PRKN: variants seen among roughly 807,000 people sequenced by gnomAD.
PRKN encodes parkin RBR E3 ubiquitin protein ligase.
A neutral mutation model predicts 59.5 loss-of-function variants in PRKN; 56 were observed. That is an observed-to-expected ratio of 0.94 (90% CI 0.76 to 1.18). The LOEUF (loss-of-function observed/expected upper bound fraction) is 1.18. Ranked by LOEUF, PRKN falls within the 50% of genes most tolerant of loss-of-function variation. The pLI is 0.00. For missense variants in PRKN, 657 were observed against 596.4 expected, an observed-to-expected ratio of 1.10 and a Z score of -1.06; for synonymous variants, 250 against 222.1, an observed-to-expected ratio of 1.13 and a Z score of -1.12.
At chr6:162,193,629 G>T (rs1436275691) in intron 4 of PRKN, among the ~76,000 whole-genome samples, 1 of 152,130 alleles carries the variant, frequency 6.6e-6, no homozygotes, top group Non-Finnish European at 1.5e-5. Flanking sequence ...AAGCTTTTGT[G>T]ACCTATACAT....
At chr6:162,580,440 GAAA>G (rs56059992) in intron 1 of PRKN, among the ~76,000 whole-genome samples, 18 of 120,596 alleles carry the variant, frequency 1.5e-4, no homozygotes, top group Middle Eastern at 4.2e-3. Context: ...CCCTGTCTCA[GAAA>G]AAAAAAAAAA....
chr6:161,822,344 A>T (rs1792065730), intron 6 of PRKN, among the ~76,000 whole-genome samples: 1 of 152,226 alleles, frequency 6.6e-6, no homozygotes, highest in Admixed American at 6.5e-5. Flanking sequence ...TGTAGACGCA[A>T]CAGCAGAAGC....
intron 6 of PRKN, among the ~76,000 whole-genome samples, chr6:161,954,455 G>A (rs946359016): frequency 6.6e-6 from 1 of 152,076 alleles, no homozygotes; most frequent in Non-Finnish European, 1.5e-5. Flanking sequence ...CACTCCATTC[G>A]CCTTGCTTTC....
rs1356851786 is a variant in PRKN, at chr6:161,458,462, C to T, written c.1084-71585G>A. Among the ~76,000 whole-genome samples, 4 of 152,198 alleles carry T rather than the reference C, an allele frequency of 2.6e-5. No individual in the cohort carries two copies. The highest frequency in any genetic ancestry group is 2.1e-4 in the South Asian group (1 of 4,822). On this transcript the variant is annotated intron_variant, in intron 9 of 11. Coordinates refer to ENST00000366898, the MANE Select transcript of PRKN (RefSeq NM_004562.3). This position sits in a 1 kb window ranked among gnomAD's most constrained non-coding sequence, Gnocchi z 6.1. ...AGGCAGCCGTCTGTCTACCTCCTGC[C>T]GGCTGCCTGTCTCCTAAAATGTCTG...
At chr6:162,538,650 G>A (rs1031928455) in intron 1 of PRKN, among the ~76,000 whole-genome samples, 11 of 152,182 alleles carry the variant, frequency 7.2e-5, no homozygotes, top group African/African-American at 2.6e-4. Context: ...GGCAACGACC[G>A]CGTGTGGGAA....
intron 7 of PRKN, among the ~76,000 whole-genome samples, chr6:161,689,873 G>A (rs1785712627): frequency 6.6e-6 from 1 of 151,962 alleles, no homozygotes; most frequent in African/African-American, 2.4e-5. Context: ...ACCACACCTG[G>A]CTAATTTTGT....
chr6:161,508,319 C>A (rs1422900624), intron 9 of PRKN, among the ~76,000 whole-genome samples: 3 of 152,186 alleles, frequency 2.0e-5, no homozygotes, highest in African/African-American at 7.2e-5. Context: ...ATGGAAAATG[C>A]CCCCAAAGGT....
At chr6:161,615,427 A>C (rs1034925996) in intron 7 of PRKN, among the ~76,000 whole-genome samples, 2 of 152,242 alleles carry the variant, frequency 1.3e-5, no homozygotes, top group African/African-American at 4.8e-5. Flanking sequence ...TAAATATGTC[A>C]ATACTTTCAT....
intron 2 of PRKN, among the ~76,000 whole-genome samples, chr6:162,313,358 C>T (rs1413404262): frequency 6.6e-6 from 1 of 152,070 alleles, no homozygotes; most frequent in Non-Finnish European, 1.5e-5. Context: ...GAGTATTTTT[C>T]TTTTTGTAAC....
intron 1 of PRKN, among the ~76,000 whole-genome samples, chr6:162,515,560 T>C (rs1777812841): frequency 6.6e-6 from 1 of 152,202 alleles, no homozygotes; most frequent in South Asian, 2.1e-4. Context: ...AATATAAGTA[T>C]TGGCAAAGTA....
At chr6:161,707,998 C>A (rs1330497151) in intron 7 of PRKN, among the ~76,000 whole-genome samples, 1 of 152,148 alleles carries the variant, frequency 6.6e-6, no homozygotes, top group Non-Finnish European at 1.5e-5. Context: ...TCAAAACTCA[C>A]ATTTCATTTT....
chr6:162,298,223 C>T (rs1781771254), intron 2 of PRKN, among the ~76,000 whole-genome samples: 1 of 151,882 alleles, frequency 6.6e-6, no homozygotes, highest in African/African-American at 2.4e-5. Flanking sequence ...TCCATCCTTC[C>T]TGGCCCTGCT....
intron 1 of PRKN, among the ~76,000 whole-genome samples, chr6:162,450,429 T>TAATCCCC (rs1562774367): frequency 7.3e-5 from 11 of 150,652 alleles, no homozygotes; most frequent in African/African-American, 2.7e-4. Context: ...CCTGTGATTG[T>TAATCCCC]CTTCCTCCTG....
At chr6:161,998,154 C>T (rs1781915366) in intron 5 of PRKN, among the ~76,000 whole-genome samples, 2 of 151,834 alleles carry the variant, frequency 1.3e-5, no homozygotes, top group African/African-American at 4.8e-5. Flanking sequence ...ATGAGATTTC[C>T]CATCTAAGAT....
chr6:162,274,204 T>TA (rs1780513643), intron 2 of PRKN, among the ~76,000 whole-genome samples: 1 of 151,912 alleles, frequency 6.6e-6, no homozygotes, highest in African/African-American at 2.4e-5. Context: ...TTTATTTATT[T>TA]TGTGAGACCA....
At chr6:161,616,934 A>G (rs1458080621) in intron 7 of PRKN, among the ~76,000 whole-genome samples, 1 of 152,180 alleles carries the variant, frequency 6.6e-6, no homozygotes, top group Non-Finnish European at 1.5e-5. Flanking sequence ...CAGTAATGAG[A>G]TTGCTGGGTC....
chr6:162,508,868 A>AAAAC (rs1793719979), intron 1 of PRKN, among the ~76,000 whole-genome samples: 2 of 151,980 alleles, frequency 1.3e-5, no homozygotes, highest in Admixed American at 1.3e-4. Flanking sequence ...CAAAAAACAA[A>AAAAC]AAACAAACAA....
intron 6 of PRKN, among the ~76,000 whole-genome samples, chr6:161,808,570 G>T (rs1402257163): frequency 6.6e-6 from 1 of 151,920 alleles, no homozygotes; most frequent in African/African-American, 2.4e-5. Context: ...TGTTATAAAG[G>T]GTGTTCTTAA....
At chr6:162,075,143 A>G (rs1446763989) in intron 4 of PRKN, among the ~76,000 whole-genome samples, 1 of 152,210 alleles carries the variant, frequency 6.6e-6, no homozygotes, top group Non-Finnish European at 1.5e-5. Flanking sequence ...AGTTTCAGGC[A>G]GCAAAATATG....
Sources: gnomAD v4.1 joint callset for allele counts (sites outside exome capture counted in the v4.1 genomes callset) on GRCh38, gnomAD v4.1.1 for gene constraint, Gnocchi (gnomAD v3.1) non-coding constraint, MANE v1.5 for transcripts, NCBI Gene and HGNC (gene_info 2026-07-23, HGNC 2026-07-21) for gene names.